ELOA2: variants seen among roughly 807,000 people sequenced by gnomAD.
ELOA2 encodes elongin A2.
For synonymous variants in ELOA2, 497 were observed against 398.8 expected (o/e 1.25, Z -2.94); for missense variants, 1,271 against 979.7 (o/e 1.30, Z -3.97).
chr18:47,033,422 G>A lies in ELOA2; in HGVS notation c.1843C>T (p.Pro615Ser). 1 of 1,614,186 alleles carries A rather than the reference G, an allele frequency of 6.2e-7. No individual in the cohort carries two copies. The highest frequency in any genetic ancestry group is 8.5e-7 in the Non-Finnish European group (1 of 1,180,034). Reference sequence around the variant, plus strand: ...GTCATTACTCTCAGCCGCTGCTCTGGGGCGTCCGGAAGCCGCAGGTACTGC... The same window carrying A: ...GTCATTACTCTCAGCCGCTGCTCTGAGGCGTCCGGAAGCCGCAGGTACTGC... ...REQYLRLPDA[P>S]EQRLRVMTTN... Residue 615 changes from proline (P) to serine (S), a missense_variant, in exon 1 of 1, where the codon CCA becomes TCA. Physicochemically the swap from Pro to Ser is moderately conservative, Grantham distance 74. Transcript: ENST00000332567.
At position 47,034,584 on chromosome 18, in the gene ELOA2, G is replaced by T. The variant is rs781718127; in HGVS notation, c.681C>A (p.His227Gln). 1.2e-6 allele frequency: 2 copies of T among 1,614,176 alleles called. No homozygotes were observed. The highest frequency in any genetic ancestry group is 4.5e-5 in the East Asian group (2 of 44,876). The change falls in exon 1 of 1, where the codon CAC (histidine) becomes CAA (glutamine). Residue 227 changes from histidine to glutamine, a missense_variant. Coordinates refer to ENST00000332567, the MANE Select transcript of ELOA2 (RefSeq NM_016427.3). ...GGCGTTTTTCCTGGCGAGACGATTTGTGCCCCTTGCTGTGGCTCACAACGG... is the reference window on the plus strand; with the variant it reads ...GGCGTTTTTCCTGGCGAGACGATTTTTGCCCCTTGCTGTGGCTCACAACGG... ...GKAVVSHSKG[H>Q]KSSRQEKRPL... is the part of the protein sequence containing the mutation.
rs2060712688 is a variant in ELOA2 at position 47,035,237 on chromosome 18, C to A, written c.28G>T (p.Ala10Ser). ...AGACGCACCTGCAGCTTCTCCACTG[C>A]GTGCAGCGTAGTGGACCCTGCCGCC... MAAGSTTLH[A>S]VEKLQVRLAT... is the part of the protein sequence containing the mutation. The change falls in exon 1 of 1, where the codon GCA becomes TCA. Residue 10 changes from alanine to serine, a missense_variant. Transcript: ENST00000332567. 1.2e-6 allele frequency: 2 copies of A among 1,612,686 alleles called. No homozygotes were observed. The highest frequency in any genetic ancestry group is 2.2e-5 in the East Asian group (1 of 44,894).
At position 47,033,982 on chromosome 18, in the gene ELOA2, T is replaced by C; in HGVS notation, c.1283A>G (p.Lys428Arg). Reference protein sequence around the residue: ...KGTRESWDSAKKLPPVQESQS... With the variant: ...KGTRESWDSARKLPPVQESQS... ...GCTTTCCTGGACAGGAGGCAATTTC[T>C]TAGCCGAATCCCAGGACTCACGAGT... The change falls in exon 1 of 1, where the codon AAG (lysine) becomes AGG (arginine). Residue 428 changes from lysine to arginine, a missense_variant. By Grantham distance (26) the Lys-to-Arg change is conservative. Transcript: ENST00000332567. 6.2e-7 allele frequency: 1 copy of C among 1,613,616 alleles called. No individual in the cohort carries two copies. Among genetic ancestry groups the C allele is most frequent in the Non-Finnish European group, 8.5e-7 (1 of 1,180,034 alleles).
the ELOA2 span, chr18:47,033,514 A>T: frequency 6.2e-7 from 1 of 1,613,996 alleles, no homozygotes. Context: ...ATTCCTCCGT[A>T]ATTCGTCTGT....
chr18:47,033,097 G>C lies in ELOA2; in HGVS notation c.2168C>G (p.Pro723Arg), dbSNP rs761094990. 1.2e-6 allele frequency: 2 copies of C among 1,614,108 alleles called. No individual in the cohort carries two copies. The highest frequency in any genetic ancestry group is 1.7e-6 in the Non-Finnish European group (2 of 1,180,044). The change falls in exon 1 of 1, where the codon CCC (proline) becomes CGC (arginine). Residue 723 changes from proline (P) to arginine (R), a missense_variant. Pro to Arg is a moderately radical substitution (Grantham distance 103). Transcript: ENST00000332567. The part of the protein sequence containing the change: ...CLSSSNEHAA[P>R]AAKTRKQAAK... ...AGCCTGTTTCCGGGTTTTGGCCGCGGGCGCCGCGTGCTCATTGCTGCTGCT... is the reference window on the plus strand; with the variant it reads ...AGCCTGTTTCCGGGTTTTGGCCGCGCGCGCCGCGTGCTCATTGCTGCTGCT...
At position 47,033,677 on chromosome 18, in the gene ELOA2, G is replaced by T. The variant is rs373923800; in HGVS notation, c.1588C>A (p.Arg530Ser). The change falls in exon 1 of 1, where the codon CGC (arginine) becomes AGC (serine). Residue 530 changes from arginine (R) to serine (S), a missense_variant. Physicochemically the swap from Arg to Ser is moderately radical, Grantham distance 110. Coordinates refer to ENST00000332567, the MANE Select transcript of ELOA2 (RefSeq NM_016427.3). ...CTAAGCACCTGGGCACACTGCTGGCGCAGCGTCGGCACCTGGAGCTGGCAG... is the reference window on the plus strand; with the variant it reads ...CTAAGCACCTGGGCACACTGCTGGCTCAGCGTCGGCACCTGGAGCTGGCAG... ...PACQLQVPTLRQQCAQVLRNN... is the reference protein window; with the variant it reads ...PACQLQVPTLSQQCAQVLRNN... 4.3e-6 allele frequency: 7 copies of T among 1,614,066 alleles called. No homozygotes were observed. The highest frequency in any genetic ancestry group is 2.7e-5 in the African/African-American group (2 of 74,946).
rs142205825 is a variant in ELOA2, at chr18:47,033,181, C to T, written c.2084G>A (p.Arg695Lys). The change falls in exon 1 of 1, where the codon AGA becomes AAA. Residue 695 changes from arginine to lysine, a missense_variant. By Grantham distance (26) the Arg-to-Lys change is conservative. Coordinates refer to ENST00000332567, the MANE Select transcript of ELOA2 (RefSeq NM_016427.3). ...GCGAAGGATGCTGCTGCTGCTGTCT[C>T]TGCCACCGCCGCTGCTGCTCTGGCT... ...PSSQSSSGGG[R>K]DSSSSILRWL... 20 of 1,613,928 alleles carry T rather than the reference C, an allele frequency of 1.2e-5. No homozygotes were observed. In the African/African-American group the frequency reaches 2.5e-4, roughly 20 times the overall value.
At position 47,033,258 on chromosome 18, in the gene ELOA2, A is replaced by G. The variant is rs746022906; in HGVS notation, c.2007T>C (p.Asn669=). The G allele has an allele frequency of 1.2e-6, 2 of 1,613,380 alleles. No individual in the cohort carries two copies. Among genetic ancestry groups the G allele is most frequent in the South Asian group, 1.1e-5 (1 of 91,048 alleles). ...EKSAGDADPE[N]GEIKPASKPA... ...GCTTGGAGGCTGGCTTGATCTCCCCATTTTCGGGGTCAGCGTCTCCTGCAG... is the reference window on the plus strand; with the variant it reads ...GCTTGGAGGCTGGCTTGATCTCCCCGTTTTCGGGGTCAGCGTCTCCTGCAG... The change falls in exon 1 of 1, where the codon AAT becomes AAC. Residue 669 remains asparagine (N), a synonymous_variant. Coordinates refer to ENST00000332567, the MANE Select transcript of ELOA2 (RefSeq NM_016427.3).
rs528023078 is a variant in ELOA2, at chr18:47,035,025, G to A, written c.240C>T (p.Asp80=). 59 of 1,611,700 alleles carry A rather than the reference G, an allele frequency of 3.7e-5. No individual in the cohort carries two copies. The East Asian group carries it at 1.2e-3, about 34-fold the overall frequency. ...CCTGTGGGCCAGGCCGGGTGTTTCG[G>A]TCCACGAGCACCAGCTTCTTCCACC... ...AARWKKLVLV[D]RNTRPGPQDP... The change falls in exon 1 of 1, where the codon GAC becomes GAT. Residue 80 remains aspartate, a synonymous_variant. Coordinates refer to ENST00000332567, the MANE Select transcript of ELOA2 (RefSeq NM_016427.3).
chr18:47,035,399 C>CTCCTCTGCTCTTGA lies in ELOA2; in HGVS notation c.-136_-135insTCAAGAGCAGAGGA. ...GCGACCTCGGGATGTGGAGTCACAG[C>CTCCTCTGCTCTTGA]CTGGAGCGAGCTGGGTCCTCGGAGC... On this transcript the variant is annotated 5_prime_UTR_variant, in exon 1 of 1. It removes the in-frame stop codon of an upstream open reading frame in the 5' UTR. Transcript: ENST00000332567. 6.7e-7 allele frequency: 1 copy of CTCCTCTGCTCTTGA among 1,502,382 alleles called. No individual in the cohort carries two copies. The highest frequency in any genetic ancestry group is 1.3e-5 in the South Asian group (1 of 74,740). 93.1% of individuals were successfully genotyped at this position (1,502,382 alleles called of 1,614,324 possible).
In ELOA2 at chr18:47,035,533, T is replaced by G; in HGVS notation, c.-269A>C. 1.5e-6 allele frequency: 1 copy of G among 682,168 alleles called. No individual in the cohort carries two copies. Among genetic ancestry groups the G allele is most frequent in the East Asian group, 2.8e-5 (1 of 35,542 alleles). 42.3% of individuals were successfully genotyped at this position (682,168 alleles called of 1,614,324 possible). ...CTGGAGTGACCTCTGCAGTTTGCTG[T>G]GCAACAAAGAATGAAGCTCTGGTGC... is the stretch of plus-strand genomic sequence containing the variant. On this transcript the variant is annotated 5_prime_UTR_variant, in exon 1 of 1. Coordinates refer to ENST00000332567, the MANE Select transcript of ELOA2 (RefSeq NM_016427.3).
chr18:47,033,824 C>G lies in ELOA2; in HGVS notation c.1441G>C (p.Asp481His). The G allele has an allele frequency of 6.2e-7, 1 of 1,614,184 alleles. No individual in the cohort carries two copies. The highest frequency in any genetic ancestry group is 8.5e-7 in the Non-Finnish European group (1 of 1,180,046). Residue 481 changes from aspartate (D) to histidine (H), a missense_variant, in exon 1 of 1, where the codon GAC becomes CAC. Physicochemically the swap from Asp to His is moderately conservative, Grantham distance 81 (BLOSUM62 -1). Coordinates refer to ENST00000332567, the MANE Select transcript of ELOA2 (RefSeq NM_016427.3). ...GGCTTTGCCTGGGAGGTCATGGAGT[C>G]AGAATCCGAAAGCGGATCGTAGTTG... is the stretch of plus-strand genomic sequence containing the variant. ...QANYDPLSDS[D>H]SMTSQAKPEA...
chr18:47,033,167 T>G lies in ELOA2; in HGVS notation c.2098A>C (p.Ser700Arg), dbSNP rs563131912. 1.1e-5 allele frequency: 18 copies of G among 1,614,132 alleles called. No individual in the cohort carries two copies. In the African/African-American group the frequency reaches 2.3e-4, roughly 20 times the overall value. ...TTCTCAGGGAGCCAGCGAAGGATGC[T>G]GCTGCTGCTGTCTCTGCCACCGCCG... ...SSGGGRDSSS[S>R]ILRWLPEKRA... Residue 700 changes from serine to arginine, a missense_variant, in exon 1 of 1, where the codon AGC (serine) becomes CGC (arginine). Ser to Arg is a moderately radical substitution (Grantham distance 110). Coordinates refer to ENST00000332567, the MANE Select transcript of ELOA2 (RefSeq NM_016427.3).
rs2060692271 is a variant in ELOA2 at position 47,034,919 on chromosome 18, C to T, written c.346G>A (p.Ala116Thr). 1.2e-6 allele frequency: 2 copies of T among 1,611,952 alleles called. No homozygotes were observed. The highest frequency in any genetic ancestry group is 2.2e-5 in the East Asian group (1 of 44,860). Residue 116 changes from alanine (A) to threonine (T), a missense_variant, in exon 1 of 1, where the codon GCG (alanine) becomes ACG (threonine). By Grantham distance (58) the Ala-to-Thr change is moderately conservative (BLOSUM62 0). Transcript: ENST00000332567. ...TGAGATGGGCTCCTGGGGGCCGTCG[C>T]GTTTTCTGGGAAGCCCCAGGCCTTT... is the stretch of plus-strand genomic sequence containing the variant. ...QEKAWGFPEN[A>T]TAPRSPSHSP...
rs546258433 is a variant in ELOA2 at position 47,035,034 on chromosome 18, C to T, written c.231G>A (p.Val77=). The T allele has an allele frequency of 1.4e-4, 224 of 1,611,818 alleles. 9 individuals carry two copies. In the South Asian group the frequency reaches 2.4e-3, roughly 17 times the overall value. The change falls in exon 1 of 1, where the codon GTG becomes GTA. Residue 77 remains valine (V), a synonymous_variant. Transcript: ENST00000332567. ...RDLAARWKKL[V]LVDRNTRPGP... ...CAGGCCGGGTGTTTCGGTCCACGAG[C>T]ACCAGCTTCTTCCACCGGGCCGCTA...
chr18:47,034,667 C>G lies in ELOA2; in HGVS notation c.598G>C (p.Ala200Pro). ...CACAGCAGAGGCCCGCCCTGAGCCG[C>G]GTGAGTGTGGCCTCTTCCGGGTTGC... ...GKQPGRGHTH[A>P]AQGGPLLCPG... The change falls in exon 1 of 1, where the codon GCG becomes CCG. Residue 200 changes from alanine (A) to proline (P), a missense_variant. By Grantham distance (27) the Ala-to-Pro change is conservative (BLOSUM62 -1). Transcript: ENST00000332567. 1.9e-6 allele frequency: 3 copies of G among 1,613,598 alleles called. No individual in the cohort carries two copies. The highest frequency in any genetic ancestry group is 2.5e-6 in the Non-Finnish European group (3 of 1,179,938).
In ELOA2 at chr18:47,035,309, C is replaced by A; in HGVS notation, c.-45G>T. ...CGTCGCTGTCCCGGCGGTCGCAGCT[C>A]TGTCTTTGGGGCTGCGGGACAGGAA... On this transcript the variant is annotated 5_prime_UTR_variant, in exon 1 of 1. Coordinates refer to ENST00000332567, the MANE Select transcript of ELOA2 (RefSeq NM_016427.3). 1 of 1,611,402 alleles carries A rather than the reference C, an allele frequency of 6.2e-7. No individual in the cohort carries two copies.
chr18:47,034,410 C>G lies in ELOA2; in HGVS notation c.855G>C (p.Gly285=). The change falls in exon 1 of 1, where the codon GGG becomes GGC. Residue 285 remains glycine (G), a synonymous_variant. Coordinates refer to ENST00000332567, the MANE Select transcript of ELOA2 (RefSeq NM_016427.3). The part of the protein sequence containing the change: ...QPSDFKTDKE[G]GQAGSGQRVP... ...CACGCTGGCCGCTGCCAGCTTGCCC[C>G]CCTTCCTTGTCTGTCTTGAAGTCCG... 1.2e-6 allele frequency: 2 copies of G among 1,614,106 alleles called. No individual in the cohort carries two copies. Among genetic ancestry groups the G allele is most frequent in the Non-Finnish European group, 1.7e-6 (2 of 1,180,046 alleles).
chr18:47,032,811 A>G lies in ELOA2; in HGVS notation c.*192T>C, dbSNP rs893074589. The G allele has an allele frequency of 2.0e-6, 2 of 1,004,546 alleles. No homozygotes were observed. Among genetic ancestry groups the G allele is most frequent in the Non-Finnish European group, 2.9e-6 (2 of 690,284 alleles). The allele number at this position is 1,004,546 out of a possible 1,614,324, so 62.2% of individuals were successfully genotyped here. On this transcript the variant is annotated 3_prime_UTR_variant, in exon 1 of 1. Coordinates refer to ENST00000332567, the MANE Select transcript of ELOA2 (RefSeq NM_016427.3). ...CTTCTGAATTCTGAGGTGTTCTCCA[A>G]GCTGGGAGGTAGTGGCTGGGTGTGG...
Sources: gnomAD v4.1 joint callset for allele counts on GRCh38, gnomAD v4.1.1 for gene constraint, MANE v1.5 for transcripts, NCBI Gene and HGNC (gene_info 2026-07-23, HGNC 2026-07-21) for gene names.